Variants in PDE3B observed in about 807,000 individuals in gnomAD.
PDE3B encodes the protein phosphodiesterase 3B.
In PDE3B, 66 loss-of-function variants were observed where a neutral mutation model predicts 116.8. That is an observed-to-expected ratio of 0.56 (90% CI 0.46 to 0.69). PDE3B has a LOEUF of 0.69. Ranked by LOEUF, PDE3B falls within the 30% of genes least tolerant of loss-of-function variation. The pLI is 0.00. For missense variants in PDE3B, 1,384 were observed against 1,368.1 expected (o/e 1.01, Z -0.18); for synonymous variants, 595 against 533.6 (o/e 1.12, Z -1.59).
Position 14,793,530 on chromosome 11 carries a change from A to G in PDE3B, c.1415+4288A>G, listed in dbSNP as rs193214470. ...GAGCATTTTGGATTTGGGATGCTCA[A>G]CCTATACTTAGAGTTAAAAGAAGAC... On this transcript the variant is annotated intron_variant, in intron 4 of 15. Transcript: ENST00000282096. Among the ~76,000 whole-genome samples the G allele has an allele frequency of 4.7e-3, 713 of 152,292 alleles. 1 individual carries two copies. Among genetic ancestry groups the G allele is most frequent in the Non-Finnish European group, 6.0e-3 (407 of 68,020 alleles).
chr11:14,751,668 A>G (rs1269628866), intron 1 of PDE3B, among the ~76,000 whole-genome samples: 1 of 152,182 alleles, frequency 6.6e-6, no homozygotes, highest in Non-Finnish European at 1.5e-5. Flanking sequence ...ACAGGGAAGA[A>G]GGAAATGCCA....
intron 1 of PDE3B, among the ~76,000 whole-genome samples, chr11:14,654,946 A>G (rs73412606): frequency 9.8e-4 from 61 of 61,946 alleles, no homozygotes; most frequent in African/African-American, 4.1e-3. Context: ...TCAGAGAAAA[A>G]AGGAGGTCAA....
At chr11:14,677,976 G>A (rs1854583973) in intron 1 of PDE3B, among the ~76,000 whole-genome samples, 1 of 152,154 alleles carries the variant, frequency 6.6e-6, no homozygotes, top group Non-Finnish European at 1.5e-5. Context: ...CCAGGCTTGA[G>A]TGAGTGCGGT....
At chr11:14,843,798 G>C (rs374704215) in intron 11 of PDE3B, 29 bp from the exon 12 acceptor site, 10 of 1,561,480 alleles carry the variant, frequency 6.4e-6, no homozygotes, top group Non-Finnish European at 8.8e-6. Flanking sequence ...TGCTAATGCT[G>C]GTTTATTTTG....
intron 1 of PDE3B, 75 bp downstream of exon 1, chr11:14,645,128 G>A: frequency 1.2e-6 from 1 of 848,860 alleles, no homozygotes; most frequent in Non-Finnish European, 1.5e-6. Flanking sequence ...AGTTGAATTC[G>A]CTTATTTCAA....
intron 1 of PDE3B, among the ~76,000 whole-genome samples, chr11:14,726,565 C>G (rs1856311762): frequency 6.6e-6 from 1 of 151,992 alleles, no homozygotes; most frequent in South Asian, 2.1e-4. Flanking sequence ...GAAAAGGGAC[C>G]CAGATTCAAG....
chr11:14,782,973 G>A (rs11023336), intron 2 of PDE3B, among the ~76,000 whole-genome samples: 18,208 of 152,152 alleles, frequency 0.12, 1,387 homozygotes, highest in African/African-American at 0.22. Context: ...GACACTTCTC[G>A]AAAGAAGACA....
chr11:14,644,820 T>C lies in PDE3B; in HGVS notation c.745T>C (p.Ser249Pro). 1 of 1,612,064 alleles carries C rather than the reference T, an allele frequency of 6.2e-7. No homozygotes were observed. The highest frequency in any genetic ancestry group is 8.5e-7 in the Non-Finnish European group (1 of 1,179,026). Residue 249 changes from serine to proline, a missense_variant, in exon 1 of 16, where the codon TCC becomes CCC. This residue lies in a region of PDE3B where 956 missense variants were observed against 806.8 expected (regional missense o/e 1.18). Coordinates refer to ENST00000282096, the MANE Select transcript of PDE3B (RefSeq NM_000922.4). ...GCCCTCCGCCCTCAGGCCGCTGCTC[T>C]CCGGCCTGGTGGGGGGCGCTGGCTG... ...SLPSALRPLL[S>P]GLVGGAGCLL...
chr11:14,804,741 A>G (rs1159644611), intron 5 of PDE3B, among the ~76,000 whole-genome samples: 1 of 152,180 alleles, frequency 6.6e-6, no homozygotes, highest in Non-Finnish European at 1.5e-5. Flanking sequence ...GCTGTATTTT[A>G]CAATCTTTAA....
chr11:14,692,161 C>T (rs545473567), intron 1 of PDE3B, among the ~76,000 whole-genome samples: 1 of 152,134 alleles, frequency 6.6e-6, no homozygotes, highest in African/African-American at 2.4e-5. Flanking sequence ...GTAGTCCCAA[C>T]TACTTGAGAG....
At position 14,871,172 on chromosome 11, in the gene PDE3B, T is replaced by C. The variant is rs1848134551; in HGVS notation, c.*1512T>C. The stretch of plus-strand genomic sequence containing the variant: ...TAGAATATTTGGCTTATCTGAAAGA[T>C]ATCAATTTAAGATCTCTGGAAGTGT... On this transcript the variant is annotated 3_prime_UTR_variant, in exon 16 of 16. Transcript: ENST00000282096. 2 of 152,200 alleles carry C rather than the reference T, an allele frequency of 1.3e-5. No individual in the cohort carries two copies. Among genetic ancestry groups the C allele is most frequent in the Admixed American group, 1.3e-4 (2 of 15,284 alleles). 9.4% of individuals were successfully genotyped at this position (152,200 alleles called of 1,614,324 possible). A position where few individuals can be genotyped will look rare whatever the true frequency, so the allele number is the denominator to read the frequency against.
intron 1 of PDE3B, among the ~76,000 whole-genome samples, chr11:14,667,993 A>G (rs1854232185): frequency 1.3e-5 from 2 of 152,076 alleles, no homozygotes; most frequent in Admixed American, 1.3e-4. Context: ...CATTATAAAA[A>G]GAAATACATT....
intron 1 of PDE3B, among the ~76,000 whole-genome samples, chr11:14,668,912 TTGG>T (rs1312971822): frequency 5.3e-5 from 8 of 152,204 alleles, no homozygotes; most frequent in Non-Finnish European, 4.4e-5. Context: ...ACATTAAGCC[TTGG>T]CTGTTGCCTT....
At chr11:14,690,398 A>T (rs1344824044) in intron 1 of PDE3B, among the ~76,000 whole-genome samples, 1 of 152,198 alleles carries the variant, frequency 6.6e-6, no homozygotes, top group East Asian at 1.9e-4. Context: ...AAAGATATTT[A>T]TAGAAAACCT....
In PDE3B at chr11:14,644,143, C is replaced by A. The variant is rs114999742; in HGVS notation, c.68C>A (p.Pro23His). 1.9e-6 allele frequency: 3 copies of A among 1,590,788 alleles called. No homozygotes were observed. The highest frequency in any genetic ancestry group is 3.4e-5 in the Admixed American group (2 of 59,066). ...CAGCCGCCGGATGGGGCCGGCTCGCCCCCCGAGAGTCTGAGGAACGGCTAC... is the reference window on the plus strand; with the variant it reads ...CAGCCGCCGGATGGGGCCGGCTCGCACCCCGAGAGTCTGAGGAACGGCTAC... Reference protein sequence around the residue: ...SLQPPDGAGSPPESLRNGYVK... With the variant: ...SLQPPDGAGSHPESLRNGYVK... The change falls in exon 1 of 16, where the codon CCC becomes CAC. Residue 23 changes from proline to histidine, a missense_variant. Pro to His is a moderately conservative substitution (Grantham distance 77). Around this residue, in one of 2 missense-constraint regions of PDE3B, gnomAD observed 956 missense variants for 806.8 expected, o/e 1.18. Coordinates refer to ENST00000282096, the MANE Select transcript of PDE3B (RefSeq NM_000922.4).
At position 14,869,830 on chromosome 11, in the gene PDE3B, A is replaced by G. The variant is rs1045507833; in HGVS notation, c.*170A>G. ...GCTCTGCTGGCAGTTTCCCACTCCT[A>G]TGCACTTTCACAGGAACTAGAAAAC... is the stretch of plus-strand genomic sequence containing the variant. On this transcript the variant is annotated 3_prime_UTR_variant, in exon 16 of 16. Transcript: ENST00000282096. The G allele has an allele frequency of 3.7e-5, 21 of 565,484 alleles. No homozygotes were observed. In the East Asian group the frequency reaches 4.1e-4, roughly 11 times the overall value. The allele number at this position is 565,484 out of a possible 1,614,324, so 35.0% of individuals were successfully genotyped here.
chr11:14,654,945 AAAG>A (rs1378855871), intron 1 of PDE3B, among the ~76,000 whole-genome samples: 1 of 61,720 alleles, frequency 1.6e-5, no homozygotes, highest in African/African-American at 6.8e-5. Flanking sequence ...ATCAGAGAAA[AAAG>A]GAGGTCAAAA....
the PDE3B span, among the ~76,000 whole-genome samples, chr11:14,888,213 T>C: frequency 6.6e-6 from 1 of 152,218 alleles, no homozygotes; most frequent in Non-Finnish European, 1.5e-5. Context: ...TATAATTTAC[T>C]TGTGTTTATA....
At chr11:14,685,013 A>G (rs1854826963) in intron 1 of PDE3B, among the ~76,000 whole-genome samples, 1 of 152,188 alleles carries the variant, frequency 6.6e-6, no homozygotes, top group South Asian at 2.1e-4. Context: ...GGTGACGTAC[A>G]TCCTCAGCTT....
Sources: allele counts gnomAD v4.1 joint callset (sites outside exome capture counted in the v4.1 genomes callset), GRCh38; gene constraint gnomAD v4.1.1; regional missense constraint gnomAD v4.1.1; transcripts MANE v1.5; gene names NCBI Gene and HGNC (gene_info 2026-07-23, HGNC 2026-07-21).